The following PCDHA2 variants were observed in gnomAD, a reference collection of about 807,000 sequenced individuals.
PCDHA2 encodes protocadherin alpha 2.
In PCDHA2, 58 loss-of-function variants were observed where a neutral mutation model predicts 66.0. That is an observed-to-expected ratio of 0.88 (90% CI 0.71 to 1.09). The LOEUF is 1.09. Ranked by LOEUF, PCDHA2 falls within the 50% of genes least tolerant of loss-of-function variation. PCDHA2 has a pLI of 0.00. For missense variants in PCDHA2, 1,267 were observed against 1,242.3 expected, an observed-to-expected ratio of 1.02 and a Z score of -0.30; for synonymous variants, 634 against 554.0, an observed-to-expected ratio of 1.14 and a Z score of -2.03.
At chr5:140,836,530 T>A (rs2150263016) in intron 1 of PCDHA2, 18 of 1,613,716 alleles carry the variant, frequency 1.1e-5, no homozygotes, top group African/African-American at 4.0e-5. Flanking sequence ...CTTACCCTGC[T>A]GCTGTACACG....
intron 3 of PCDHA2, among the ~76,000 whole-genome samples, chr5:140,990,585 T>C (rs2097401437): frequency 6.6e-6 from 1 of 152,204 alleles, no homozygotes; most frequent in Non-Finnish European, 1.5e-5. Flanking sequence ...TCTTTTCCTA[T>C]AATCACCTGG....
intron 2 of PCDHA2, 86 bp from the exon 3 acceptor site, chr5:140,982,389 T>C: frequency 1.3e-6 from 2 of 1,593,476 alleles, no homozygotes; most frequent in South Asian, 1.1e-5. Context: ...CCTGGCTTCA[T>C]AGTTGTAAGC....
intron 1 of PCDHA2, among the ~76,000 whole-genome samples, chr5:140,890,167 A>G (rs1423577741): frequency 6.6e-6 from 1 of 152,174 alleles, no homozygotes; most frequent in East Asian, 1.9e-4. Context: ...CTGCCACAGA[A>G]ATAGGCAAAT....
At chr5:140,926,529 A>T in intron 1 of PCDHA2, 1 of 209,686 alleles carries the variant, frequency 4.8e-6, no homozygotes, top group Admixed American at 5.9e-5. Context: ...CTGCGCCCGC[A>T]GCCAGCGTGG....
intron 1 of PCDHA2, chr5:140,827,987 AT>A (rs1769477096): frequency 3.4e-6 from 5 of 1,461,712 alleles, no homozygotes; most frequent in Non-Finnish European, 4.6e-6. Context: ...TGACTGTTGA[AT>A]GATGGCGGAC....
intron 1 of PCDHA2, chr5:140,801,733 C>A: frequency 1.2e-6 from 2 of 1,614,004 alleles, no homozygotes; most frequent in Non-Finnish European, 1.7e-6. Flanking sequence ...GAATATTTTA[C>A]CTTGGACGTT....
intron 1 of PCDHA2, chr5:140,870,319 T>G (rs782623881): frequency 3.7e-6 from 6 of 1,614,162 alleles, no homozygotes; most frequent in Non-Finnish European, 5.1e-6. Flanking sequence ...TTACTACTCG[T>G]TGGTGCTGGA....
At chr5:140,871,528 T>C (rs373016617) in intron 1 of PCDHA2, 418 of 1,530,484 alleles carry the variant, frequency 2.7e-4, no homozygotes, top group Non-Finnish European at 3.4e-4. Flanking sequence ...TATCAGGAAG[T>C]GTATGTGAAA....
rs148093365 is a variant in PCDHA2 at position 140,827,932 on chromosome 5, A to T, written c.2388+30580A>T. On this transcript the variant is annotated intron_variant, in intron 1 of 3. Coordinates refer to ENST00000526136, the MANE Select transcript of PCDHA2 (RefSeq NM_018905.3). ...TGATGTCGCTGTCTACCATGAAGTT[A>T]TAGCTAGCCAACATTCAAATTTCTT... 3.9e-5 allele frequency: 40 copies of T among 1,026,454 alleles called. No individual in the cohort carries two copies. The African/African-American group carries it at 5.4e-4, about 14-fold the overall frequency. The allele number at this position is 1,026,454 out of a possible 1,614,324, so 63.6% of individuals were successfully genotyped here.
At chr5:140,871,360 AG>A in intron 1 of PCDHA2, 1 of 1,614,180 alleles carries the variant, frequency 6.2e-7, no homozygotes, top group East Asian at 2.2e-5. Context: ...CTCGCAGCAG[AG>A]GCGGCAGAGG....
At chr5:140,847,483 T>C (rs1445193080) in intron 1 of PCDHA2, 2 of 149,968 alleles carry the variant, frequency 1.3e-5, no homozygotes, top group Non-Finnish European at 3.0e-5. Flanking sequence ...TGGAATAAGA[T>C]AGTAAAACTC....
Position 140,840,931 on chromosome 5 carries a change from G to A in PCDHA2, c.2388+43579G>A, listed in dbSNP as rs2150310219. Among the ~76,000 whole-genome samples the A allele has an allele frequency of 2.6e-5, 4 of 152,056 alleles. No homozygotes were observed. In the South Asian group the frequency reaches 8.3e-4, roughly 32 times the overall value. ...ACTTAAATTTATTATTAATTGATACGATATTTGAAATATTGGGAAGAAATT... is the reference window on the plus strand; with the variant it reads ...ACTTAAATTTATTATTAATTGATACAATATTTGAAATATTGGGAAGAAATT... On this transcript the variant is annotated intron_variant, in intron 1 of 3. Transcript: ENST00000526136.
In PCDHA2 at chr5:140,795,381, T is replaced by C. The variant is rs782365486; in HGVS notation, c.417T>C (p.Thr139=). ...NPPIFPMTVK[T]IRFPESRLLD... ...CAATATTTCCAATGACAGTAAAGAC[T>C]ATCCGGTTTCCCGAATCAAGGCTGC... is the stretch of plus-strand genomic sequence containing the variant. Residue 139 remains threonine (T), a synonymous_variant, in exon 1 of 4, where the codon ACT becomes ACC. Transcript: ENST00000526136. 3 of 1,614,180 alleles carry C rather than the reference T, an allele frequency of 1.9e-6. No individual in the cohort carries two copies. The highest frequency in any genetic ancestry group is 2.5e-6 in the Non-Finnish European group (3 of 1,180,034).
At chr5:140,835,709 C>A (rs2150242768) in intron 1 of PCDHA2, 4 of 1,613,352 alleles carry the variant, frequency 2.5e-6, no homozygotes, top group Non-Finnish European at 3.4e-6. Flanking sequence ...CTAGCGTGTC[C>A]GTGGAGGTGG....
chr5:140,803,164 A>G, intron 1 of PCDHA2: 3 of 1,613,870 alleles, frequency 1.9e-6, no homozygotes, highest in Non-Finnish European at 1.7e-6. Flanking sequence ...GACCACGGTG[A>G]ACCCTCATTG....
At position 140,987,445 on chromosome 5, in the gene PCDHA2, G is replaced by A. The variant is rs141923390; in HGVS notation, c.2536+4882G>A. Among the ~76,000 whole-genome samples, 799 of 152,220 alleles carry A rather than the reference G, an allele frequency of 5.2e-3. 4 individuals carry two copies. The highest frequency in any genetic ancestry group is 0.018 in the African/African-American group (765 of 41,528). On this transcript the variant is annotated intron_variant, in intron 3 of 3. Transcript: ENST00000526136. ...AAGCAGGGGGCCTTTCCCCATGCCC[G>A]AGAGATAATTGTTAAGAGCTCAAGC...
chr5:140,796,133 C>A lies in PCDHA2; in HGVS notation c.1169C>A (p.Thr390Lys), dbSNP rs1170903796. 2.5e-6 allele frequency: 4 copies of A among 1,614,238 alleles called. No homozygotes were observed. The highest frequency in any genetic ancestry group is 2.5e-6 in the Non-Finnish European group (3 of 1,180,042). ...AATGGACATGTCACCTGCTCCCTGA[C>A]GCCCCACGTCCCTTTCAAGCTGGTG... ...GTNGHVTCSL[T>K]PHVPFKLVST... is the part of the protein sequence containing the mutation. Residue 390 changes from threonine (T) to lysine (K), a missense_variant, in exon 1 of 4, where the codon ACG becomes AAG. Coordinates refer to ENST00000526136, the MANE Select transcript of PCDHA2 (RefSeq NM_018905.3).
At chr5:140,889,387 C>G (rs1174974313) in intron 1 of PCDHA2, among the ~76,000 whole-genome samples, 1 of 151,966 alleles carries the variant, frequency 6.6e-6, no homozygotes, top group East Asian at 1.9e-4. Context: ...AAGGACCATT[C>G]AGAGTTTAAT....
At chr5:140,808,400 T>C (rs555840522) in intron 1 of PCDHA2, 5 of 1,614,170 alleles carry the variant, frequency 3.1e-6, no homozygotes, top group Admixed American at 3.3e-5. Flanking sequence ...CAAGAATTAC[T>C]ACTCGTTGGT....
Sources: allele counts gnomAD v4.1 joint callset (sites outside exome capture counted in the v4.1 genomes callset), GRCh38; gene constraint gnomAD v4.1.1; transcripts MANE v1.5; gene names NCBI Gene and HGNC (gene_info 2026-07-23, HGNC 2026-07-21).